Variants in CFAP99 observed in about 807,000 individuals in gnomAD.
CFAP99 encodes cilia- and flagella-associated protein 99.
A neutral mutation model predicts 82.7 loss-of-function variants in CFAP99; 84 were observed. That is an observed-to-expected ratio of 1.02 (90% CI 0.85 to 1.22). CFAP99 has a LOEUF of 1.22. Among genes scored for constraint, CFAP99 ranks in the 50% most tolerant of loss-of-function variants. CFAP99 has a pLI of 0.00. For synonymous variants in CFAP99, 456 were observed against 429.5 expected, an observed-to-expected ratio of 1.06 and a Z score of -0.76; for missense variants, 1,059 against 983.5, an observed-to-expected ratio of 1.08 and a Z score of -1.03.
At chr4:2,453,995 T>C (rs1333977271) in intron 11 of CFAP99, among the ~76,000 whole-genome samples, 2 of 150,928 alleles carry the variant, frequency 1.3e-5, no homozygotes, top group African/African-American at 4.9e-5. Context: ...TGTTTTTTGG[T>C]TTTTGGTTTT....
At chr4:2,442,179 G>T (rs151017865) in intron 4 of CFAP99, among the ~76,000 whole-genome samples, 1 of 152,140 alleles carries the variant, frequency 6.6e-6, no homozygotes, top group East Asian at 1.9e-4. Context: ...TTGGGTGGGG[G>T]CAGGGACCAG....
At chr4:2,419,480 C>G (rs1240428772) in intron 1 of CFAP99, among the ~76,000 whole-genome samples, 1 of 152,168 alleles carries the variant, frequency 6.6e-6, no homozygotes, top group Non-Finnish European at 1.5e-5. Context: ...GGGGTTGCAT[C>G]CAGATCACGG....
intron 1 of CFAP99, among the ~76,000 whole-genome samples, chr4:2,422,681 C>G (rs1034561342): frequency 6.6e-6 from 1 of 152,198 alleles, no homozygotes; most frequent in Admixed American, 6.5e-5. Context: ...CCAGGCAGAG[C>G]TGTATCCAGA....
intron 2 of CFAP99, 136 bp from the exon 3 acceptor site, chr4:2,436,738 C>T (rs1484067081): frequency 3.0e-6 from 2 of 676,098 alleles, no homozygotes; most frequent in East Asian, 2.7e-5. Flanking sequence ...CTGCCAGCTG[C>T]CTTGGGGGCC....
intron 1 of CFAP99, among the ~76,000 whole-genome samples, chr4:2,419,384 G>A (rs893432934): frequency 1.3e-5 from 2 of 152,120 alleles, no homozygotes; most frequent in Admixed American, 1.3e-4. Context: ...CAAGCAGAGA[G>A]CTAAAAACCC....
rs1734665523 is a variant in CFAP99, at chr4:2,462,895, C to T, written c.2114C>T (p.Pro705Leu). ...GCGCTGCAGCAGGGAGGCTCAGGAC[C>T]CGGGCCCGCGCGCCGCCTGGAGGCC... Residue 705 changes from proline (P) to leucine (L), a missense_variant, in exon 15 of 15, where the codon CCC (proline) becomes CTC (leucine). By Grantham distance (98) the Pro-to-Leu change is moderately conservative. Transcript: ENST00000635017. The surrounding 1 kb of genome is among the most constrained non-coding windows in gnomAD (Gnocchi z 4.1). 6.8e-6 allele frequency: 9 copies of T among 1,330,864 alleles called. No individual in the cohort carries two copies. The South Asian group carries it at 1.6e-4, about 24-fold the overall frequency. The allele number at this position is 1,330,864 out of a possible 1,614,324, so 82.4% of individuals were successfully genotyped here.
intron 2 of CFAP99, among the ~76,000 whole-genome samples, chr4:2,433,045 C>G (rs1230878977): frequency 7.2e-5 from 11 of 152,136 alleles, no homozygotes; most frequent in Admixed American, 3.3e-4. Context: ...AGCCGCCAGC[C>G]CAGCATCAGT....
chr4:2,454,581 C>CTTTTTTTTTTGTTTT (rs1734378400), intron 11 of CFAP99, among the ~76,000 whole-genome samples: 8 of 94,720 alleles, frequency 8.4e-5, no homozygotes, highest in Non-Finnish European at 1.7e-4. Context: ...TGTTTTTTTT[C>CTTTTTTTTTTGTTTT]TTTTTTTTTT....
chr4:2,422,991 A>G (rs1252985630), intron 1 of CFAP99, among the ~76,000 whole-genome samples: 1 of 152,164 alleles, frequency 6.6e-6, no homozygotes, highest in Non-Finnish European at 1.5e-5. Flanking sequence ...TTTTTTGTAG[A>G]GAAGTCCCCA....
intron 5 of CFAP99, among the ~76,000 whole-genome samples, chr4:2,443,471 T>G (rs1445079047): frequency 6.6e-6 from 1 of 152,210 alleles, no homozygotes; most frequent in East Asian, 1.9e-4. Flanking sequence ...AGCCCCAGCC[T>G]GGGCTCCCTC....
chr4:2,447,582 T>A (rs1012442318), intron 6 of CFAP99, among the ~76,000 whole-genome samples: 1 of 150,550 alleles, frequency 6.6e-6, no homozygotes, highest in Non-Finnish European at 1.5e-5. Flanking sequence ...AGTTTATGGA[T>A]GGATGAATGG....
At chr4:2,430,653 C>G (rs1169793788) in intron 2 of CFAP99, among the ~76,000 whole-genome samples, 2 of 152,238 alleles carry the variant, frequency 1.3e-5, no homozygotes, top group Non-Finnish European at 2.9e-5. Context: ...AAAAAAAGTA[C>G]TAAGCCAGGC....
chr4:2,426,346 G>A (rs140948726), intron 1 of CFAP99, 113 bp from the exon 2 acceptor site: 6 of 690,718 alleles, frequency 8.7e-6, no homozygotes, highest in East Asian at 8.3e-5. Context: ...AGTCACATCC[G>A]GTCTTCCTGC....
intron 4 of CFAP99, among the ~76,000 whole-genome samples, chr4:2,442,888 G>A (rs182116515): frequency 1.4e-3 from 196 of 144,196 alleles, no homozygotes; most frequent in African/African-American, 4.9e-3. Context: ...AGCTCACTGG[G>A]GGTGCTGGGG....
In CFAP99 at chr4:2,458,722, G is replaced by C. The variant is rs1234280826; in HGVS notation, c.1162-1G>C. On this transcript the variant is annotated splice_acceptor_variant, in intron 11 of 14. Coordinates refer to ENST00000635017, the Ensembl canonical transcript of CFAP99. LOFTEE classifies it high-confidence loss of function. ...CCGTGGCAGGTCCGCTGTCTGGGCA[G>C]ATGGCCAAGCTGATGCTGCAGCGTG... The C allele has an allele frequency of 6.5e-7, 1 of 1,532,582 alleles. No individual in the cohort carries two copies. Among genetic ancestry groups the C allele is most frequent in the African/African-American group, 1.4e-5 (1 of 73,006 alleles). 94.9% of individuals were successfully genotyped at this position (1,532,582 alleles called of 1,614,324 possible).
intron 14 of CFAP99, among the ~76,000 whole-genome samples, chr4:2,461,030 G>C (rs1472991435): frequency 6.6e-6 from 1 of 152,174 alleles, no homozygotes; most frequent in Non-Finnish European, 1.5e-5. Flanking sequence ...AGCCCAGCCT[G>C]GCTAACATTT....
At chr4:2,419,441 CACA>C (rs1733491794) in intron 1 of CFAP99, among the ~76,000 whole-genome samples, 1 of 152,190 alleles carries the variant, frequency 6.6e-6, no homozygotes, top group African/African-American at 2.4e-5. Context: ...GAGAAGCAGG[CACA>C]ACGAGGCCGG....
At chr4:2,452,448 G>A in intron 11 of CFAP99, 102 bp downstream of exon 11, 1 of 1,250,546 alleles carries the variant, frequency 8.0e-7, no homozygotes, top group Non-Finnish European at 1.1e-6. Context: ...AGTGTCCACA[G>A]CGCCCCCGTA....
At chr4:2,454,594 G>GTTTTTTTTTTTTTTTT (rs1204498727) in intron 11 of CFAP99, among the ~76,000 whole-genome samples, 1 of 84,536 alleles carries the variant, frequency 1.2e-5, no homozygotes, top group African/African-American at 4.2e-5. Flanking sequence ...TTTTTTTTTT[G>GTTTTTTTTTTTTTTTT]TTTTTTTTTT....
Sources: allele counts gnomAD v4.1 joint callset (sites outside exome capture counted in the v4.1 genomes callset), GRCh38; gene constraint gnomAD v4.1.1; non-coding constraint Gnocchi (gnomAD v3.1); transcripts MANE v1.5; gene names NCBI Gene and HGNC (gene_info 2026-07-23, HGNC 2026-07-21).